The following DAB1 variants were observed in gnomAD, a reference collection of about 807,000 sequenced individuals.
DAB1 encodes DAB adaptor protein 1.
DAB1 carries 15 observed loss-of-function variants against 64.6 expected under a neutral mutation model. The observed-to-expected ratio is 0.23, with a 90% CI of 0.16 to 0.36. The LOEUF (loss-of-function observed/expected upper bound fraction) is 0.36. Ranked by LOEUF, DAB1 falls within the 10% of genes least tolerant of loss-of-function variation. The probability of loss-of-function intolerance (pLI) is 1.00; values close to 1 mark genes in which losing one functional copy is unlikely to be tolerated. For missense variants in DAB1, 596 were observed against 706.7 expected, an observed-to-expected ratio of 0.84 and a Z score of 1.78; for synonymous variants, 235 against 251.9, an observed-to-expected ratio of 0.93 and a Z score of 0.64.
chr1:58,165,454 C>T (rs1038100929), intron 4 of DAB1, among the ~76,000 whole-genome samples: 9 of 152,168 alleles, frequency 5.9e-5, no homozygotes, highest in African/African-American at 1.9e-4. Flanking sequence ...GCTCTCTTCT[C>T]GGTCCTCGCT....
upstream of DAB1, among the ~76,000 whole-genome samples, chr1:57,424,359 G>GAGC (rs1685176675): frequency 1.3e-5 from 2 of 151,824 alleles, no homozygotes; most frequent in Non-Finnish European, 2.9e-5. Flanking sequence ...GCGAGCGAGC[G>GAGC]GGGGCGCCGC....
In DAB1 at chr1:57,145,323, G is replaced by C; in HGVS notation, c.174C>G (p.Asp58Glu). The change falls in exon 3 of 15, where the codon GAC becomes GAG. Residue 58 changes from aspartate to glutamate, a missense_variant. Transcript: ENST00000371236. Reference protein sequence around the residue: ...GIDEVSAARGDKLCQDSMMKL... With the variant: ...GIDEVSAARGEKLCQDSMMKL... Reference sequence around the variant, plus strand: ...TCATCATGGAATCTTGACATAACTTGTCTCCCCGAGCTGCGGAAACTTCAT... The same window carrying C: ...TCATCATGGAATCTTGACATAACTTCTCTCCCCGAGCTGCGGAAACTTCAT... 1 of 1,614,042 alleles carries C rather than the reference G, an allele frequency of 6.2e-7. No homozygotes were observed. The highest frequency in any genetic ancestry group is 8.5e-7 in the Non-Finnish European group (1 of 1,179,974).
chr1:58,061,902 A>C (rs1470352286), intron 5 of DAB1, among the ~76,000 whole-genome samples: 1 of 152,180 alleles, frequency 6.6e-6, no homozygotes, highest in African/African-American at 2.4e-5. Flanking sequence ...CTCCTTTTCC[A>C]TGTAGTTAAT....
At chr1:58,480,098 A>C (rs1411258498) in intron 3 of DAB1, among the ~76,000 whole-genome samples, 2 of 152,130 alleles carry the variant, frequency 1.3e-5, no homozygotes, top group East Asian at 1.9e-4. Flanking sequence ...ATAATGCAGC[A>C]ATTTCTGGGC....
chr1:57,597,993 T>C (rs1477330243), intron 7 of DAB1, among the ~76,000 whole-genome samples: 3 of 152,228 alleles, frequency 2.0e-5, no homozygotes, highest in Non-Finnish European at 4.4e-5. Flanking sequence ...TATTTATTTC[T>C]TTATTTTGAG....
intron 5 of DAB1, among the ~76,000 whole-genome samples, chr1:57,969,844 G>A (rs1387516617): frequency 6.6e-6 from 1 of 152,106 alleles, no homozygotes; most frequent in African/African-American, 2.4e-5. Flanking sequence ...GATCAGTTTT[G>A]TGCTTTAGAT....
At chr1:58,075,160 TCTGTTC>T (rs1476560059) in intron 5 of DAB1, among the ~76,000 whole-genome samples, 2 of 152,250 alleles carry the variant, frequency 1.3e-5, no homozygotes, top group Non-Finnish European at 2.9e-5. Flanking sequence ...GAATTTCTTT[TCTGTTC>T]ATCTCTGTTC....
At chr1:58,079,369 G>T (rs1649845496) in intron 5 of DAB1, among the ~76,000 whole-genome samples, 2 of 152,104 alleles carry the variant, frequency 1.3e-5, no homozygotes, top group African/African-American at 4.8e-5. Flanking sequence ...ACTGCATCAT[G>T]TACTTATCTA....
intron 2 of DAB1, among the ~76,000 whole-genome samples, chr1:58,523,412 G>A (rs188823862): frequency 1.1e-4 from 16 of 152,074 alleles, no homozygotes; most frequent in East Asian, 1.9e-4. Context: ...ATGTTCTATC[G>A]GGGTTCTCTT....
intron 4 of DAB1, among the ~76,000 whole-genome samples, chr1:57,105,650 C>T (rs1024487128): frequency 3.9e-5 from 6 of 152,070 alleles, no homozygotes; most frequent in African/African-American, 1.4e-4. Flanking sequence ...TCAGGTTGAA[C>T]ACTGTCTTTT....
At chr1:57,162,609 C>G (rs989490688) in intron 2 of DAB1, among the ~76,000 whole-genome samples, 2 of 152,196 alleles carry the variant, frequency 1.3e-5, no homozygotes, top group African/African-American at 4.8e-5. Flanking sequence ...CATGGGGTCA[C>G]CTCCATTAGA....
At chr1:57,961,507 T>C (rs954747723) in intron 5 of DAB1, among the ~76,000 whole-genome samples, 3 of 152,140 alleles carry the variant, frequency 2.0e-5, no homozygotes, top group Admixed American at 6.5e-5. Flanking sequence ...TGCTCAACCA[T>C]AGGAGTCCTG....
intron 1 of DAB1, among the ~76,000 whole-genome samples, chr1:57,335,835 T>C (rs1677036129): frequency 6.6e-6 from 1 of 152,226 alleles, no homozygotes; most frequent in South Asian, 2.1e-4. Flanking sequence ...ACAGGAATTA[T>C]GTTTGACTGC....
At chr1:57,527,672 T>C (rs1215089990) in intron 7 of DAB1, among the ~76,000 whole-genome samples, 1 of 152,204 alleles carries the variant, frequency 6.6e-6, no homozygotes, top group African/African-American at 2.4e-5. Flanking sequence ...CAGAGCACTG[T>C]GCTGGTTACT....
chr1:57,184,549 A>G (rs569905531), intron 2 of DAB1, among the ~76,000 whole-genome samples: 4 of 152,186 alleles, frequency 2.6e-5, no homozygotes, highest in Non-Finnish European at 4.4e-5. Context: ...TTTCACAGTA[A>G]AGAATGCAAG....
chr1:58,056,538 C>T, intron 5 of DAB1: 2 of 936,708 alleles, frequency 2.1e-6, no homozygotes, highest in Non-Finnish European at 3.5e-6. Context: ...GTTATGTCAC[C>T]TTGCTCATCA....
intron 6 of DAB1, among the ~76,000 whole-genome samples, chr1:57,732,181 G>A (rs912974472): frequency 6.6e-6 from 1 of 152,170 alleles, no homozygotes; most frequent in Non-Finnish European, 1.5e-5. Flanking sequence ...ATTATTGTGG[G>A]GGTATCATGC....
rs536383634 is a variant in DAB1, at chr1:57,576,350, T to C, written n.625+73242A>G. On this transcript the variant is annotated intron_variant and non_coding_transcript_variant, in intron 7 of 20. Coordinates refer to the DAB1 transcript ENST00000485760. ...ATGGGCTTATTGGGATAAAACCCCA[T>C]TGTGAGTCAAAAAGAAGCTGTACTT... 3.9e-5 allele frequency among the ~76,000 whole-genome samples: 6 copies of C among 152,238 alleles called. No individual in the cohort carries two copies. The South Asian group carries it at 1.0e-3, about 26-fold the overall frequency.
chr1:57,802,599 G>A (rs1374048493), intron 6 of DAB1, among the ~76,000 whole-genome samples: 5 of 152,168 alleles, frequency 3.3e-5, no homozygotes, highest in African/African-American at 4.8e-5. Context: ...CCTGGTAGGA[G>A]GTGATTGGAT....
Sources: gnomAD v4.1 joint callset for allele counts (sites outside exome capture counted in the v4.1 genomes callset) on GRCh38, gnomAD v4.1.1 for gene constraint, MANE v1.5 for transcripts, NCBI Gene and HGNC (gene_info 2026-07-23, HGNC 2026-07-21) for gene names.